Variants in CHN2 observed in about 807,000 individuals in gnomAD.
CHN2 encodes beta-chimaerin.
CHN2 carries 35 observed loss-of-function variants against 56.3 expected under a neutral mutation model. The observed-to-expected ratio is 0.62, with a 90% CI of 0.47 to 0.82. The LOEUF (loss-of-function observed/expected upper bound fraction) is 0.82, where lower values mean the gene tolerates loss of function less well. CHN2 is among the 40% of genes least tolerant of loss of function. The pLI, the probability that CHN2 is intolerant of heterozygous loss-of-function variation, is 0.00. For missense variants in CHN2, 491 were observed against 580.5 expected (o/e 0.85, Z 1.58); for synonymous variants, 210 against 212.8 (o/e 0.99, Z 0.12).
intron 6 of CHN2, among the ~76,000 whole-genome samples, chr7:29,405,553 C>A (rs1802583549): frequency 6.6e-6 from 1 of 152,158 alleles, no homozygotes; most frequent in Admixed American, 6.5e-5. Context: ...CTTTCTCAAA[C>A]TGCTGCCAAG....
chr7:29,166,706 C>T (rs560707221), intron 2 of CHN2, among the ~76,000 whole-genome samples: 1 of 151,268 alleles, frequency 6.6e-6, no homozygotes, highest in East Asian at 1.9e-4. Flanking sequence ...TATTGGTATC[C>T]TCTCTCTCAT....
rs55722880 is a variant in CHN2 at position 29,273,343 on chromosome 7, GTATATATATATATATA to G, written c.49+78384_49+78399del. On this transcript the variant is annotated intron_variant, in intron 1 of 12. Transcript: ENST00000222792. ...CCATCATGCATATATATATATATGT[GTATATATATATATATA>G]TATATATATATATATATATATATAT... is the stretch of plus-strand genomic sequence containing the variant. Among the ~76,000 whole-genome samples, 45 of 58,190 alleles carry G rather than the reference GTATATATATATATATA, an allele frequency of 7.7e-4. 3 individuals are homozygous for G. Among genetic ancestry groups the G allele is most frequent in the South Asian group, 6.4e-3 (12 of 1,884 alleles). The allele number at this position is 58,190 out of a possible 152,430, so 38.2% of individuals were successfully genotyped here.
chr7:29,427,656 CTTTTT>C (rs754677450), intron 6 of CHN2, among the ~76,000 whole-genome samples: 29 of 120,390 alleles, frequency 2.4e-4, no homozygotes, highest in African/African-American at 8.4e-4. Context: ...ATTTTTTATT[CTTTTT>C]TTTTTTTTTT....
At chr7:29,320,106 A>C (rs879724199) in intron 1 of CHN2, among the ~76,000 whole-genome samples, 2 of 152,164 alleles carry the variant, frequency 1.3e-5, no homozygotes, top group Non-Finnish European at 2.9e-5. Flanking sequence ...AGATTTCTCT[A>C]TTAAAGAGGA....
intron 3 of CHN2, among the ~76,000 whole-genome samples, chr7:29,370,526 CT>C (rs1799523377): frequency 6.6e-6 from 1 of 152,074 alleles, no homozygotes; most frequent in African/African-American, 2.4e-5. Flanking sequence ...GCTCTGGGCC[CT>C]TTTTCTTGGT....
chr7:29,352,315 G>A (rs1426470673), intron 1 of CHN2, among the ~76,000 whole-genome samples: 2 of 151,924 alleles, frequency 1.3e-5, no homozygotes, highest in Non-Finnish European at 2.9e-5. Context: ...TTGAGTAGGT[G>A]GCATCTCAGG....
At chr7:29,409,470 C>A (rs1292560663) in intron 6 of CHN2, among the ~76,000 whole-genome samples, 1 of 152,096 alleles carries the variant, frequency 6.6e-6, no homozygotes, top group Non-Finnish European at 1.5e-5. Flanking sequence ...ATTGTTTTTA[C>A]ATTTTTGTAA....
At chr7:29,456,820 A>G (rs1489150812) in intron 6 of CHN2, among the ~76,000 whole-genome samples, 1 of 152,030 alleles carries the variant, frequency 6.6e-6, no homozygotes, top group Non-Finnish European at 1.5e-5. Context: ...GTGCAGACTC[A>G]GGCCCTGGTG....
chr7:29,448,105 T>C (rs849919), intron 6 of CHN2, among the ~76,000 whole-genome samples: 54,128 of 151,964 alleles, frequency 0.36, 11,028 homozygotes, highest in African/African-American at 0.56. Flanking sequence ...GACTAAGCAG[T>C]TTTATATTTC....
chr7:29,221,596 G>A (rs370178405), intron 1 of CHN2, among the ~76,000 whole-genome samples: 2 of 152,222 alleles, frequency 1.3e-5, no homozygotes, highest in South Asian at 2.1e-4. Context: ...TTCATTAGCT[G>A]TTCTTCCTGA....
intron 1 of CHN2, among the ~76,000 whole-genome samples, chr7:29,262,768 A>G (rs890136228): frequency 1.3e-5 from 2 of 152,084 alleles, no homozygotes; most frequent in Admixed American, 1.3e-4. Context: ...ATACTTGAAA[A>G]TGGTGAAGAT....
chr7:29,459,723 C>T (rs138768872), intron 6 of CHN2, among the ~76,000 whole-genome samples: 2 of 152,248 alleles, frequency 1.3e-5, no homozygotes, highest in South Asian at 2.1e-4. Flanking sequence ...AGCCTGCACC[C>T]TAGCAGGGCT....
At chr7:29,263,508 G>A (rs1292043063) in intron 1 of CHN2, among the ~76,000 whole-genome samples, 2 of 151,774 alleles carry the variant, frequency 1.3e-5, no homozygotes, top group Non-Finnish European at 2.9e-5. Flanking sequence ...GATGTGAGGA[G>A]CCCCTCTGCC....
intron 1 of CHN2, among the ~76,000 whole-genome samples, chr7:29,276,033 C>T (rs1791176269): frequency 6.7e-6 from 1 of 149,972 alleles, no homozygotes. Context: ...CAAACCTGCA[C>T]ATGTTCCCCC....
intron 1 of CHN2, among the ~76,000 whole-genome samples, chr7:29,351,027 G>T (rs1450554895): frequency 6.8e-6 from 1 of 147,160 alleles, no homozygotes; most frequent in South Asian, 2.2e-4. Flanking sequence ...AGAATCACTT[G>T]AACCTGGGAG....
At chr7:29,488,803 T>C (rs1210013900) in intron 7 of CHN2, among the ~76,000 whole-genome samples, 2 of 151,756 alleles carry the variant, frequency 1.3e-5, no homozygotes, top group Admixed American at 6.6e-5. Flanking sequence ...CTGCCAAACA[T>C]CCCACAATGT....
intron 2 of CHN2, among the ~76,000 whole-genome samples, chr7:29,160,368 C>T (rs150057994): frequency 5.6e-4 from 86 of 152,260 alleles, no homozygotes; most frequent in African/African-American, 1.9e-3. Flanking sequence ...TGGCTGACAA[C>T]GTTACTGGCT....
At chr7:29,293,764 CT>C (rs1792871368) in intron 1 of CHN2, among the ~76,000 whole-genome samples, 1 of 152,110 alleles carries the variant, frequency 6.6e-6, no homozygotes, top group African/African-American at 2.4e-5. Flanking sequence ...CTGTTTCCCC[CT>C]AGCACATCTC....
At chr7:29,149,769 A>G (rs1402503396) in intron 2 of CHN2, among the ~76,000 whole-genome samples, 1 of 152,038 alleles carries the variant, frequency 6.6e-6, no homozygotes, top group Non-Finnish European at 1.5e-5. Flanking sequence ...TGGCAGCATC[A>G]ACCCAATCTC....
Sources: gnomAD v4.1 joint callset for allele counts (sites outside exome capture counted in the v4.1 genomes callset) on GRCh38, gnomAD v4.1.1 for gene constraint, MANE v1.5 for transcripts, NCBI Gene and HGNC (gene_info 2026-07-23, HGNC 2026-07-21) for gene names.